Variants in TRIM40 observed in about 807,000 individuals in gnomAD.
The protein encoded by TRIM40 is E3 ubiquitin ligase TRIM40.
In TRIM40, 27 loss-of-function variants were observed where a neutral mutation model predicts 26.1. The ratio of observed to expected loss-of-function variants is 1.04; its 90% CI spans 0.76 to 1.43. The LOEUF is 1.43. TRIM40 is among the 40% of genes most tolerant of loss of function. The pLI is 0.00. For synonymous variants in TRIM40, 114 were observed against 120.0 expected (o/e 0.95, Z 0.33); for missense variants, 289 against 307.9 (o/e 0.94, Z 0.46).
intron 3 of TRIM40, 108 bp from the exon 4 acceptor site, chr6:30,146,876 GA>G: frequency 8.9e-7 from 1 of 1,125,746 alleles, no homozygotes; most frequent in Non-Finnish European, 1.3e-6. Flanking sequence ...GCAACACCAT[GA>G]GGGCAAGAGG....
At chr6:30,145,464 A>G (rs2127426220) in intron 2 of TRIM40, among the ~76,000 whole-genome samples, 1 of 152,324 alleles carries the variant, frequency 6.6e-6, no homozygotes. Context: ...CTTCAAGGAC[A>G]CAGCGACACA....
At chr6:30,147,306 C>T in intron 4 of TRIM40, 97 bp downstream of exon 4, 2 of 1,465,894 alleles carry the variant, frequency 1.4e-6, no homozygotes, top group Non-Finnish European at 1.9e-6. Flanking sequence ...AGGGAGGGGC[C>T]TGTGTGATAT....
At chr6:30,141,386 G>C (rs1771334124) in intron 2 of TRIM40, among the ~76,000 whole-genome samples, 1 of 146,604 alleles carries the variant, frequency 6.8e-6, no homozygotes, top group South Asian at 2.2e-4. Flanking sequence ...CCTCAAAAGA[G>C]GCTAGACAGA....
intron 2 of TRIM40, 77 bp downstream of exon 2, chr6:30,137,458 G>A: frequency 1.6e-6 from 2 of 1,269,584 alleles, no homozygotes; most frequent in Non-Finnish European, 1.1e-6. Context: ...ATCATGCCTG[G>A]CACCTCAGAG....
intron 3 of TRIM40, 38 bp from the exon 4 acceptor site, chr6:30,146,947 C>T (rs1771697712): frequency 6.5e-7 from 1 of 1,545,690 alleles, no homozygotes; most frequent in Non-Finnish European, 8.8e-7. Flanking sequence ...AGGAGGGAGC[C>T]ACCTGACACT....
chr6:30,136,754 G>T lies in TRIM40; in HGVS notation c.-283G>T. On this transcript the variant is annotated 5_prime_UTR_variant, in exon 2 of 6. Transcript: ENST00000396581. ...CTAGGTGTATGAAAAATAATTTCAA[G>T]TTTAACAAACACAAGGAAACCGCAG... 1 of 472,604 alleles carries T rather than the reference G, an allele frequency of 2.1e-6. No homozygotes were observed. Among genetic ancestry groups the T allele is most frequent in the African/African-American group, 1.9e-5 (1 of 51,312 alleles). The allele number at this position is 472,604 out of a possible 1,614,324, so 29.3% of individuals were successfully genotyped here.
Position 30,147,560 on chromosome 6 carries a change from T to C in TRIM40, c.689+18T>C. 6.2e-7 allele frequency: 1 copy of C among 1,614,222 alleles called. No individual in the cohort carries two copies. On this transcript the variant is annotated intron_variant, in intron 5 of 5. Coordinates refer to ENST00000396581, the MANE Select transcript of TRIM40 (RefSeq NM_001286633.2). ...CTGAACAGGTACGAGCTGTCCCTTCTTCTTTCCCACATGTGCATATAAACC... is the reference window on the plus strand; with the variant it reads ...CTGAACAGGTACGAGCTGTCCCTTCCTCTTTCCCACATGTGCATATAAACC...
In TRIM40 at chr6:30,137,095, G is replaced by A. The variant is rs769775263; in HGVS notation, c.59G>A (p.Ser20Asn). 3.7e-6 allele frequency: 6 copies of A among 1,613,080 alleles called. No individual in the cohort carries two copies. In the South Asian group the frequency reaches 6.6e-5, roughly 18 times the overall value. The change falls in exon 2 of 6, where the codon AGC (serine) becomes AAC (asparagine). Residue 20 changes from serine (S) to asparagine (N), a missense_variant. Physicochemically the swap from Ser to Asn is conservative, Grantham distance 46. Coordinates refer to ENST00000396581, the MANE Select transcript of TRIM40 (RefSeq NM_001286633.2). ...EEGVCPICQE[S>N]LKEAVSTNCG... Reference sequence around the variant, plus strand: ...GGTGTCTGCCCCATCTGCCAGGAGAGCCTGAAGGAGGCCGTGAGCACCAAC... The same window carrying A: ...GGTGTCTGCCCCATCTGCCAGGAGAACCTGAAGGAGGCCGTGAGCACCAAC...
intron 2 of TRIM40, among the ~76,000 whole-genome samples, chr6:30,139,962 A>G (rs1771249492): frequency 6.6e-6 from 1 of 152,266 alleles, no homozygotes; most frequent in Non-Finnish European, 1.5e-5. Flanking sequence ...CAACAGACAT[A>G]TGAAAAAATG....
intron 2 of TRIM40, among the ~76,000 whole-genome samples, chr6:30,138,408 T>C (rs1156572770): frequency 1.3e-5 from 2 of 152,208 alleles, no homozygotes; most frequent in Non-Finnish European, 2.9e-5. Flanking sequence ...TATAATCAAT[T>C]TGTCCTATCA....
intron 2 of TRIM40, among the ~76,000 whole-genome samples, chr6:30,145,202 A>AT (rs746744127): frequency 0.012 from 1,666 of 142,220 alleles, 23 homozygotes; most frequent in African/African-American, 0.034. Context: ...CTCAAAAAAG[A>AT]TTAAAAAAAA....
At chr6:30,145,849 T>C (rs1771611653) in intron 2 of TRIM40, 145 bp from the exon 3 acceptor site, 6 of 629,340 alleles carry the variant, frequency 9.5e-6, no homozygotes, top group South Asian at 1.9e-5. Context: ...ACTCCAACCA[T>C]GATGCTCTAA....
intron 4 of TRIM40, 68 bp downstream of exon 4, chr6:30,147,277 C>A: frequency 6.3e-7 from 1 of 1,576,820 alleles, no homozygotes; most frequent in Non-Finnish European, 8.7e-7. Context: ...ATCTGCATCA[C>A]CCTTCTGGGA....
In TRIM40 at chr6:30,137,801, T is replaced by A. The variant is rs188881296; in HGVS notation, c.345+420T>A. Reference sequence around the variant, plus strand: ...TAAAACCTGAAAGTTACTACATAATTTTTTCTCTCTTTTTCTTCCTTCTGC... The same window carrying A: ...TAAAACCTGAAAGTTACTACATAATATTTTCTCTCTTTTTCTTCCTTCTGC... On this transcript the variant is annotated intron_variant, in intron 2 of 5. Coordinates refer to ENST00000396581, the MANE Select transcript of TRIM40 (RefSeq NM_001286633.2). 3.0e-4 allele frequency among the ~76,000 whole-genome samples: 46 copies of A among 152,158 alleles called. No homozygotes were observed. The East Asian group carries it at 8.1e-3, about 27-fold the overall frequency.
Position 30,137,127 on chromosome 6 carries a change from CA to C in TRIM40, c.92del (p.His31LeufsTer8). ...GGAGGCCGTGAGCACCAACTGCGGA[CA>C]TCTCTTCTGTCGAGTGTGCCTGACA... is the stretch of plus-strand genomic sequence containing the variant. ...LKEAVSTNCG[H>X]LFCRVCLTQH... On this transcript the variant is annotated frameshift_variant, in exon 2 of 6. Transcript: ENST00000396581. LOFTEE classifies it high-confidence loss of function. 5 of 1,613,086 alleles carry C rather than the reference CA, an allele frequency of 3.1e-6. No individual in the cohort carries two copies. The highest frequency in any genetic ancestry group is 4.2e-6 in the Non-Finnish European group (5 of 1,180,032).
At chr6:30,139,588 G>A (rs900368544) in intron 2 of TRIM40, among the ~76,000 whole-genome samples, 3 of 152,020 alleles carry the variant, frequency 2.0e-5, no homozygotes, top group African/African-American at 7.2e-5. Flanking sequence ...TGATCCATCT[G>A]CGCTGGCCTC....
At position 30,147,203 on chromosome 6, in the gene TRIM40, A is replaced by G. The variant is rs780212542; in HGVS notation, c.660A>G (p.Thr220=). 6.2e-7 allele frequency: 1 copy of G among 1,614,160 alleles called. No individual in the cohort carries two copies. The highest frequency in any genetic ancestry group is 8.5e-7 in the Non-Finnish European group (1 of 1,180,024). Residue 220 remains threonine (T), a synonymous_variant, in exon 4 of 6, where the codon ACA becomes ACG. Coordinates refer to ENST00000396581, the MANE Select transcript of TRIM40 (RefSeq NM_001286633.2). Reference sequence around the variant, plus strand: ...CGGCCAAGGAATTAGACACCAACACACTGAAGGTGCATACCCTGAGGCCTT... The same window carrying G: ...CGGCCAAGGAATTAGACACCAACACGCTGAAGGTGCATACCCTGAGGCCTT... ...ERTAKELDTN[T]LKNAGDLLNR...
chr6:30,142,381 G>A (rs1386018588), intron 2 of TRIM40, among the ~76,000 whole-genome samples: 2 of 152,206 alleles, frequency 1.3e-5, no homozygotes, highest in Non-Finnish European at 2.9e-5. Flanking sequence ...AATGCTAGTA[G>A]TGGTGAGGCT....
intron 2 of TRIM40, 43 bp from the exon 3 acceptor site, chr6:30,145,951 C>T (rs1173477091): frequency 9.7e-6 from 15 of 1,544,784 alleles, no homozygotes; most frequent in Non-Finnish European, 1.3e-5. Context: ...GTGGGTGCCC[C>T]CCTCACTCCC....
Sources: gnomAD v4.1 joint callset for allele counts (sites outside exome capture counted in the v4.1 genomes callset) on GRCh38, gnomAD v4.1.1 for gene constraint, MANE v1.5 for transcripts, NCBI Gene and HGNC (gene_info 2026-07-23, HGNC 2026-07-21) for gene names.